MEI4: variants seen among roughly 807,000 people sequenced by gnomAD.
The protein encoded by MEI4 is meiosis-specific protein MEI4.
A neutral mutation model predicts 31.4 loss-of-function variants in MEI4; 27 were observed. That is an observed-to-expected ratio of 0.86 (90% confidence interval 0.63 to 1.19). MEI4 has a LOEUF of 1.19. MEI4 is among the 50% of genes most tolerant of loss of function. MEI4 has a pLI of 0.00. For missense variants in MEI4, 329 were observed against 398.9 expected, an observed-to-expected ratio of 0.82 and a Z score of 1.49; for synonymous variants, 122 against 145.4, an observed-to-expected ratio of 0.84 and a Z score of 1.16.
At chr6:77,876,054 G>A (rs2127727004) in intron 4 of MEI4, among the ~76,000 whole-genome samples, 1 of 152,304 alleles carries the variant, frequency 6.6e-6, no homozygotes, top group African/African-American at 2.4e-5. Flanking sequence ...ACATGTTTCA[G>A]AGCCATAGAC....
chr6:77,716,037 T>C (rs1381487539), intron 2 of MEI4, among the ~76,000 whole-genome samples: 1 of 152,208 alleles, frequency 6.6e-6, no homozygotes, highest in Non-Finnish European at 1.5e-5. Flanking sequence ...AGAATATTGT[T>C]ATAAGATTCT....
At chr6:77,806,407 T>TTA (rs1561997038) in intron 3 of MEI4, among the ~76,000 whole-genome samples, 1 of 152,138 alleles carries the variant, frequency 6.6e-6, no homozygotes, top group African/African-American at 2.4e-5. Context: ...GCAGTGGTGA[T>TTA]AAACAGAGAA....
At chr6:77,916,811 C>A (rs909427954) in intron 4 of MEI4, among the ~76,000 whole-genome samples, 1 of 151,156 alleles carries the variant, frequency 6.6e-6, no homozygotes, top group Non-Finnish European at 1.5e-5. Context: ...GGTACATGTG[C>A]ACATTGTGCA....
At chr6:77,744,047 T>A (rs1582091287) in intron 2 of MEI4, among the ~76,000 whole-genome samples, 1 of 152,086 alleles carries the variant, frequency 6.6e-6, no homozygotes, top group Non-Finnish European at 1.5e-5. Flanking sequence ...CTGGAAACTC[T>A]AAAAAGCAGA....
chr6:77,801,469 T>C (rs1049383482), intron 3 of MEI4, among the ~76,000 whole-genome samples: 6 of 152,208 alleles, frequency 3.9e-5, no homozygotes, highest in Non-Finnish European at 7.3e-5. Flanking sequence ...TTGAAGGGTT[T>C]TTTGTGTCTC....
intron 2 of MEI4, among the ~76,000 whole-genome samples, chr6:77,699,414 G>T (rs1252965267): frequency 2.0e-5 from 3 of 151,718 alleles, no homozygotes; most frequent in African/African-American, 7.3e-5. Flanking sequence ...GGATGGTCTC[G>T]ATCTCCTGAC....
rs902577210 is a variant in MEI4, at chr6:77,792,764, GT to G, written c.768+31100del. ...GTCTCGCTCTATTGCACAGGCTGGA[GT>G]GCAGTGGCGTGATCTCAGCTCACTG... On this transcript the variant is annotated intron_variant, in intron 3 of 4. Coordinates refer to ENST00000684080, the MANE Select transcript of MEI4 (RefSeq NM_001322247.2). 2.7e-4 allele frequency among the ~76,000 whole-genome samples: 41 copies of G among 151,498 alleles called. No individual in the cohort carries two copies. The Middle Eastern group carries it at 0.017, about 63-fold the overall frequency.
chr6:77,780,742 T>C (rs541494571), intron 3 of MEI4, among the ~76,000 whole-genome samples: 3 of 152,302 alleles, frequency 2.0e-5, no homozygotes, highest in Admixed American at 1.3e-4. Flanking sequence ...TATAGTCCAA[T>C]TGAATTAAGT....
chr6:77,804,773 G>C (rs1769384272), intron 3 of MEI4, among the ~76,000 whole-genome samples: 1 of 152,116 alleles, frequency 6.6e-6, no homozygotes, highest in Non-Finnish European at 1.5e-5. Flanking sequence ...AAGCTTTCCA[G>C]GTGATTCTGA....
intron 4 of MEI4, among the ~76,000 whole-genome samples, chr6:77,886,458 TCTCA>T (rs998262236): frequency 6.6e-6 from 1 of 151,346 alleles, no homozygotes; most frequent in African/African-American, 2.4e-5. Context: ...TGAGATGGAG[TCTCA>T]CTCTGTTGCC....
At chr6:77,874,401 CTGTT>C (rs1161838177) in intron 4 of MEI4, among the ~76,000 whole-genome samples, 6 of 152,132 alleles carry the variant, frequency 3.9e-5, no homozygotes, top group Admixed American at 6.5e-5. Context: ...ATTCAGCTCT[CTGTT>C]TGTCTGTTAT....
chr6:77,662,702 G>C (rs538442030), intron 1 of MEI4, among the ~76,000 whole-genome samples: 119 of 152,266 alleles, frequency 7.8e-4, no homozygotes, highest in African/African-American at 2.8e-3. Flanking sequence ...AAAGGCTACA[G>C]GGTGTGGTCC....
chr6:77,699,200 T>TG (rs1582036297), intron 2 of MEI4, among the ~76,000 whole-genome samples: 1 of 146,498 alleles, frequency 6.8e-6, no homozygotes, highest in African/African-American at 2.5e-5. Flanking sequence ...TTTTTTTTTT[T>TG]TTTTTTTGAG....
chr6:77,670,212 T>C (rs1768713644), intron 1 of MEI4, among the ~76,000 whole-genome samples: 1 of 152,012 alleles, frequency 6.6e-6, no homozygotes, highest in African/African-American at 2.4e-5. Context: ...AACATCTCTC[T>C]TCCCTCTTCT....
intron 3 of MEI4, among the ~76,000 whole-genome samples, chr6:77,773,582 A>G (rs2127687381): frequency 6.6e-6 from 1 of 152,186 alleles, no homozygotes; most frequent in Non-Finnish European, 1.5e-5. Context: ...AACATTGGGA[A>G]AACTTTCCAG....
intron 4 of MEI4, among the ~76,000 whole-genome samples, chr6:77,907,395 T>C (rs1016906098): frequency 1.3e-5 from 2 of 152,154 alleles, no homozygotes; most frequent in African/African-American, 4.8e-5. Context: ...GTGTTTGGTT[T>C]TTTGTCCTTG....
chr6:77,807,250 A>G (rs1456481384), intron 3 of MEI4, among the ~76,000 whole-genome samples: 3 of 152,068 alleles, frequency 2.0e-5, no homozygotes, highest in Non-Finnish European at 2.9e-5. Context: ...TTTCAGTTAA[A>G]ATCTAATAAA....
At chr6:77,728,822 A>T (rs560784291) in intron 2 of MEI4, among the ~76,000 whole-genome samples, 4 of 152,268 alleles carry the variant, frequency 2.6e-5, no homozygotes, top group African/African-American at 9.6e-5. Context: ...GACAGAGGAA[A>T]CACCTGTTCC....
intron 2 of MEI4, among the ~76,000 whole-genome samples, chr6:77,700,725 C>A (rs918110915): frequency 2.0e-5 from 3 of 152,172 alleles, no homozygotes; most frequent in Admixed American, 6.5e-5. Context: ...TCCTATTCGG[C>A]CATCTTGGCT....
Sources: gnomAD v4.1 joint callset for allele counts (sites outside exome capture counted in the v4.1 genomes callset) on GRCh38, gnomAD v4.1.1 for gene constraint, MANE v1.5 for transcripts, NCBI Gene and HGNC (gene_info 2026-07-23, HGNC 2026-07-21) for gene names.